NRXN3: variants seen among roughly 807,000 people sequenced by gnomAD.
NRXN3 encodes the protein neurexin 3, also known as neurexin III.
A neutral mutation model predicts 137.6 loss-of-function variants in NRXN3; 32 were observed. The observed-to-expected ratio is 0.23, with a 90% CI of 0.18 to 0.31. The LOEUF (loss-of-function observed/expected upper bound fraction) is 0.31, where lower values mean the gene tolerates loss of function less well. Ranked by LOEUF, NRXN3 falls within the 10% of genes least tolerant of loss-of-function variation. The pLI is 1.00. For synonymous variants in NRXN3, 798 were observed against 784.5 expected, an observed-to-expected ratio of 1.02 and a Z score of -0.29; for missense variants, 1,574 against 2,062.5, an observed-to-expected ratio of 0.76 and a Z score of 4.59.
At chr14:79,373,070 G>A (rs908613250) in intron 15 of NRXN3, among the ~76,000 whole-genome samples, 1 of 152,022 alleles carries the variant, frequency 6.6e-6, no homozygotes, top group Non-Finnish European at 1.5e-5. Flanking sequence ...CCAAATTACT[G>A]TCAACAAATT....
chr14:78,677,796 A>G (rs982361491), intron 6 of NRXN3, among the ~76,000 whole-genome samples: 8 of 152,206 alleles, frequency 5.3e-5, no homozygotes, highest in African/African-American at 1.4e-4. Context: ...AGGAAATTGC[A>G]CAGCCACCCC....
intron 10 of NRXN3, among the ~76,000 whole-genome samples, chr14:78,880,694 A>T (rs1304954136): frequency 2.6e-5 from 4 of 152,160 alleles, no homozygotes; most frequent in African/African-American, 9.7e-5. Context: ...ATATATGTAT[A>T]TATGTATTTA....
chr14:78,288,961 T>G (rs1005821748), intron 3 of NRXN3, among the ~76,000 whole-genome samples: 1 of 152,090 alleles, frequency 6.6e-6, no homozygotes, highest in African/African-American at 2.4e-5. Context: ...TGGCAAACAG[T>G]GAGTGGGCTG....
intron 1 of NRXN3, among the ~76,000 whole-genome samples, chr14:78,171,327 GGAGTGTGTGTGT>G (rs1397415937): frequency 1.4e-5 from 2 of 146,666 alleles, no homozygotes; most frequent in Non-Finnish European, 1.5e-5. Flanking sequence ...AGGTGAAAAG[GGAGTGTGTGTGT>G]GAGTGTGTGT....
intron 15 of NRXN3, among the ~76,000 whole-genome samples, chr14:79,002,434 G>A (rs764730082): frequency 3.3e-5 from 5 of 152,018 alleles, no homozygotes; most frequent in Non-Finnish European, 5.9e-5. Context: ...TGTTCTCTTT[G>A]TTCAGCTCCC....
intron 5 of NRXN3, among the ~76,000 whole-genome samples, chr14:78,648,511 T>C (rs1410655439): frequency 2.6e-5 from 4 of 152,158 alleles, no homozygotes; most frequent in Admixed American, 6.5e-5. Flanking sequence ...TATTGAGTAA[T>C]AAAGAAGATT....
chr14:78,576,007 C>A (rs1321488235), intron 4 of NRXN3, among the ~76,000 whole-genome samples: 2 of 152,156 alleles, frequency 1.3e-5, no homozygotes, highest in Non-Finnish European at 2.9e-5. Context: ...TGGGAACGTA[C>A]AATAAATGTC....
intron 15 of NRXN3, among the ~76,000 whole-genome samples, chr14:79,190,159 T>A (rs2064093634): frequency 6.6e-6 from 1 of 152,168 alleles, no homozygotes; most frequent in African/African-American, 2.4e-5. Context: ...GGGGAAAATA[T>A]TCTTGTCATG....
intron 15 of NRXN3, among the ~76,000 whole-genome samples, chr14:79,178,356 T>C (rs1232755342): frequency 6.6e-6 from 1 of 152,238 alleles, no homozygotes; most frequent in East Asian, 1.9e-4. Flanking sequence ...TTTTTTTTAA[T>C]TGTCTGATAA....
intron 16 of NRXN3, among the ~76,000 whole-genome samples, chr14:79,628,393 TG>T (rs1270918741): frequency 2.6e-5 from 4 of 152,374 alleles, no homozygotes; most frequent in East Asian, 3.9e-4. Context: ...TATTCTAGTA[TG>T]TCCATTCTGT....
rs542226491 is a variant in NRXN3, at chr14:79,089,986, A to G, written c.3262+101845A>G. Among the ~76,000 whole-genome samples the G allele has an allele frequency of 8.6e-4, 131 of 152,320 alleles. 2 individuals carry two copies. The South Asian group carries it at 0.026, about 30-fold the overall frequency. ...TTTTTTAAATAATCATAAAACTCAT[A>G]TTCAAGTACTTCCTTGAGGCCTCTA... is the stretch of plus-strand genomic sequence containing the variant. On this transcript the variant is annotated intron_variant, in intron 15 of 20. Coordinates refer to ENST00000335750, the MANE Select transcript of NRXN3 (RefSeq NM_001330195.2).
At chr14:78,701,455 T>G (rs1239173830) in intron 6 of NRXN3, among the ~76,000 whole-genome samples, 2 of 152,232 alleles carry the variant, frequency 1.3e-5, no homozygotes, top group East Asian at 3.8e-4. Context: ...TCTCTCTTTT[T>G]CTGGCTGGCC....
At chr14:79,834,968 C>G (rs567242550) in intron 20 of NRXN3, among the ~76,000 whole-genome samples, 1 of 152,186 alleles carries the variant, frequency 6.6e-6, no homozygotes, top group Non-Finnish European at 1.5e-5. Flanking sequence ...ACCCTAATAG[C>G]CTCTCATAAC....
At chr14:79,621,497 A>G (rs1261907563) in intron 16 of NRXN3, among the ~76,000 whole-genome samples, 2 of 152,216 alleles carry the variant, frequency 1.3e-5, no homozygotes, top group African/African-American at 4.8e-5. Flanking sequence ...ATTACATGTT[A>G]TTCTTAGACT....
intron 4 of NRXN3, among the ~76,000 whole-genome samples, chr14:78,577,472 ATTT>A (rs961190930): frequency 6.7e-6 from 1 of 149,952 alleles, no homozygotes; most frequent in Admixed American, 6.7e-5. Flanking sequence ...TTATAGGTGA[ATTT>A]TTTTTTTGCG....
intron 4 of NRXN3, among the ~76,000 whole-genome samples, chr14:78,444,290 G>T (rs571852980): frequency 6.6e-6 from 1 of 152,330 alleles, no homozygotes; most frequent in South Asian, 2.1e-4. Context: ...GTTGCTGTAG[G>T]TTACTTAGCA....
At chr14:78,557,819 G>A (rs1003532989) in intron 4 of NRXN3, among the ~76,000 whole-genome samples, 4 of 152,176 alleles carry the variant, frequency 2.6e-5, no homozygotes, top group East Asian at 1.9e-4. Flanking sequence ...AGTCAGAATC[G>A]ACTGCAATCT....
intron 1 of NRXN3, among the ~76,000 whole-genome samples, chr14:78,232,137 G>A (rs890719137): frequency 3.9e-5 from 6 of 152,254 alleles, no homozygotes; most frequent in South Asian, 2.1e-4. Context: ...AGGTGTGCCC[G>A]GTAGATGGGG....
intron 15 of NRXN3, among the ~76,000 whole-genome samples, chr14:79,253,484 A>G (rs1401867822): frequency 6.6e-6 from 1 of 152,212 alleles, no homozygotes; most frequent in Non-Finnish European, 1.5e-5. Flanking sequence ...CTAGAGGGCA[A>G]AATTAGACTT....
Sources: allele counts gnomAD v4.1 joint callset (sites outside exome capture counted in the v4.1 genomes callset), GRCh38; gene constraint gnomAD v4.1.1; transcripts MANE v1.5; gene names NCBI Gene and HGNC (gene_info 2026-07-23, HGNC 2026-07-21).